The following DNHD1 variants were observed in gnomAD, a reference collection of about 807,000 sequenced individuals.
The protein encoded by DNHD1 is dynein heavy chain domain-containing protein 1.
A neutral mutation model predicts 458.1 loss-of-function variants in DNHD1; 383 were observed. The ratio of observed to expected loss-of-function variants is 0.84; its 90% CI spans 0.77 to 0.91. The LOEUF is 0.91. Among genes scored for constraint, DNHD1 ranks in the 40% least tolerant of loss-of-function variants. DNHD1 has a pLI of 0.00. For missense variants in DNHD1, 5,336 were observed against 5,866.1 expected, an observed-to-expected ratio of 0.91 and a Z score of 2.95; for synonymous variants, 2,203 against 2,376.9, an observed-to-expected ratio of 0.93 and a Z score of 2.13.
At position 6,564,631 on chromosome 11, in the gene DNHD1, A is replaced by T. The variant is rs1853658505; in HGVS notation, c.10583A>T (p.Lys3528Met). The T allele has an allele frequency of 1.3e-6, 2 of 1,551,598 alleles. No homozygotes were observed. The highest frequency in any genetic ancestry group is 2.7e-5 in the African/African-American group (2 of 73,056). ...SEQYQWDGNL[K>M]PQAKSAHLAG... The stretch of plus-strand genomic sequence containing the variant: ...CAGTACCAGTGGGATGGAAACCTGA[A>T]GCCACAGGCAAAGTCGGCCCACCTG... Residue 3528 changes from lysine to methionine, a missense_variant, in exon 32 of 43, where the codon AAG becomes ATG. Around this residue, in one of 4 missense-constraint regions of DNHD1, gnomAD observed 3,932 missense variants for 4,365.6 expected, o/e 0.90. Coordinates refer to ENST00000254579, the MANE Select transcript of DNHD1 (RefSeq NM_144666.3).
intron 28 of DNHD1, among the ~76,000 whole-genome samples, chr11:6,560,029 G>A (rs907913022): frequency 6.6e-6 from 1 of 152,208 alleles, no homozygotes; most frequent in African/African-American, 2.4e-5. Context: ...TAAAATTGGT[G>A]ATGATAGGGC....
chr11:6,508,675 C>G (rs1852273624), intron 4 of DNHD1: 1 of 554,122 alleles, frequency 1.8e-6, no homozygotes, highest in South Asian at 2.4e-5. Flanking sequence ...TTCTTTCTTC[C>G]CATCTACCTT....
In DNHD1 at chr11:6,498,588, G is replaced by C. The variant is rs146344849; in HGVS notation, c.373G>C (p.Asp125His). The C allele has an allele frequency of 4.8e-4, 767 of 1,614,208 alleles. 1 individual carries two copies. Among genetic ancestry groups the C allele is most frequent in the Admixed American group, 1.4e-3 (83 of 60,024 alleles). Residue 125 changes from aspartate to histidine, a missense_variant, in exon 3 of 43, where the codon GAC (aspartate) becomes CAC (histidine). Physicochemically the swap from Asp to His is moderately conservative, Grantham distance 81 (BLOSUM62 -1). Transcript: ENST00000254579. ...APWVQTHLHL[D>H]LLGAIVQAFP... ...CTGGGTCCAAACCCACCTCCATCTGGACCTGCTAGGTGCCATTGTCCAGGC... is the reference window on the plus strand; with the variant it reads ...CTGGGTCCAAACCCACCTCCATCTGCACCTGCTAGGTGCCATTGTCCAGGC...
At position 6,558,974 on chromosome 11, in the gene DNHD1, C is replaced by T. The variant is rs975437665; in HGVS notation, c.9284C>T (p.Ser3095Leu). Reference protein sequence around the residue: ...VAKAMALIHLSATHYHEHLCP... With the variant: ...VAKAMALIHLLATHYHEHLCP... ...AAAGCCATGGCTCTTATCCACCTTT[C>T]GGCCACCCACTACCATGAGCACCTG... is the stretch of plus-strand genomic sequence containing the variant. The change falls in exon 27 of 43, where the codon TCG becomes TTG. Residue 3095 changes from serine to leucine, a missense_variant. By Grantham distance (145) the Ser-to-Leu change is moderately radical (BLOSUM62 -2). This residue lies in a region of DNHD1 where 3,932 missense variants were observed against 4,365.6 expected (regional missense o/e 0.90). Transcript: ENST00000254579. 43 of 1,551,588 alleles carry T rather than the reference C, an allele frequency of 2.8e-5. No individual in the cohort carries two copies. The highest frequency in any genetic ancestry group is 3.3e-4 in the Middle Eastern group (2 of 6,012).
Position 6,546,737 on chromosome 11 carries a change from G to A in DNHD1, c.5798G>A (p.Cys1933Tyr), listed in dbSNP as rs776367614. The A allele has an allele frequency of 1.1e-5, 17 of 1,551,670 alleles. No homozygotes were observed. Among genetic ancestry groups the A allele is most frequent in the Admixed American group, 2.0e-5 (1 of 50,994 alleles). Reference sequence around the variant, plus strand: ...CTGCACAACCTCCGAGGGCTGTTGTGTGCGCTTTTCCCTAGCGCCAGCCAA... The same window carrying A: ...CTGCACAACCTCCGAGGGCTGTTGTATGCGCTTTTCCCTAGCGCCAGCCAA... ...LHLHNLRGLL[C>Y]ALFPSASQVL... is the part of the protein sequence containing the mutation. Residue 1933 changes from cysteine to tyrosine, a missense_variant, in exon 21 of 43, where the codon TGT becomes TAT. Physicochemically the swap from Cys to Tyr is radical, Grantham distance 194 (BLOSUM62 -2). Transcript: ENST00000254579.
At position 6,523,391 on chromosome 11, in the gene DNHD1, G is replaced by A. The variant is rs142391007; in HGVS notation, c.1837+3102G>A. Among the ~76,000 whole-genome samples the A allele has an allele frequency of 8.8e-3, 1,339 of 152,180 alleles. 18 individuals carry two copies. Among genetic ancestry groups the A allele is most frequent in the African/African-American group, 0.03 (1,260 of 41,514 alleles). ...ACTGTGAGTAGATTTATAGATGAGA[G>A]AGAAGGAAAGATTTTTTTTTCCTTG... On this transcript the variant is annotated intron_variant, in intron 10 of 42. Transcript: ENST00000254579.
intron 25 of DNHD1, 64 bp downstream of exon 25, chr11:6,558,361 A>G (rs1238578405): frequency 6.5e-7 from 1 of 1,533,800 alleles, no homozygotes; most frequent in Non-Finnish European, 8.8e-7. Flanking sequence ...CAAAAGGCCA[A>G]AAGGAATTCT....
At chr11:6,514,192 C>T (rs1257957486) in intron 7 of DNHD1, among the ~76,000 whole-genome samples, 2 of 152,150 alleles carry the variant, frequency 1.3e-5, no homozygotes, top group African/African-American at 4.8e-5. Context: ...CAACCTCCAC[C>T]TCCTGTGTTC....
In DNHD1 at chr11:6,563,804, C is replaced by A. The variant is rs1449701762; in HGVS notation, c.9964C>A (p.Pro3322Thr). 1.1e-5 allele frequency: 17 copies of A among 1,551,554 alleles called. No individual in the cohort carries two copies. Among genetic ancestry groups the A allele is most frequent in the Middle Eastern group, 1.7e-4 (1 of 6,014 alleles). The change falls in exon 31 of 43, where the codon CCT becomes ACT. Residue 3322 changes from proline to threonine, a missense_variant. Transcript: ENST00000254579. ...TGCAGCCCTGCGGGCAGTGAGCCGA[C>A]CTGCAGCCAGCCTGGCAGCCTGGCT... is the stretch of plus-strand genomic sequence containing the variant. ...DDAALRAVSR[P>T]AASLAAWLWA...
At position 6,563,791 on chromosome 11, in the gene DNHD1, GGCAGT is replaced by G; in HGVS notation, c.9953_9957del (p.Ala3318GlufsTer59). The G allele has an allele frequency of 6.4e-7, 1 of 1,551,660 alleles. No individual in the cohort carries two copies. The highest frequency in any genetic ancestry group is 8.7e-7 in the Non-Finnish European group (1 of 1,146,996). On this transcript the variant is annotated frameshift_variant, in exon 31 of 43. Transcript: ENST00000254579. LOFTEE classifies it high-confidence loss of function. ...CAGGTATGGACGATGCAGCCCTGCGGGCAGTGAGCCGACCTGCAGCCAGCCTGGCA... is the reference window on the plus strand; with the variant it reads ...CAGGTATGGACGATGCAGCCCTGCGGGAGCCGACCTGCAGCCAGCCTGGCA...
chr11:6,556,063 T>C (rs2134443414), intron 24 of DNHD1, among the ~76,000 whole-genome samples: 1 of 152,284 alleles, frequency 6.6e-6, no homozygotes, highest in South Asian at 2.1e-4. Flanking sequence ...TCACTCAAGC[T>C]CTTGTGCTCA....
chr11:6,561,160 G>A (rs895162474), intron 28 of DNHD1, among the ~76,000 whole-genome samples: 2 of 152,190 alleles, frequency 1.3e-5, no homozygotes, highest in Non-Finnish European at 2.9e-5. Flanking sequence ...GTTAGGCCAG[G>A]CACAGTGGCT....
At chr11:6,549,326 G>A (rs1489485324) in intron 24 of DNHD1, among the ~76,000 whole-genome samples, 1 of 152,152 alleles carries the variant, frequency 6.6e-6, no homozygotes, top group African/African-American at 2.4e-5. Context: ...AAATCTTGTT[G>A]ACATCTCATT....
At chr11:6,509,832 G>A (rs973942457) in intron 6 of DNHD1, among the ~76,000 whole-genome samples, 1 of 152,126 alleles carries the variant, frequency 6.6e-6, no homozygotes, top group East Asian at 1.9e-4. Context: ...TGCCTAAAGG[G>A]CCTAAGCAGG....
chr11:6,528,095 G>A (rs766799063), intron 10 of DNHD1, among the ~76,000 whole-genome samples: 12 of 152,160 alleles, frequency 7.9e-5, no homozygotes, highest in East Asian at 3.9e-4. Flanking sequence ...GAGTCAGGGC[G>A]TATGCCATCC....
In DNHD1 at chr11:6,533,602, T is replaced by G. The variant is rs1195046728; in HGVS notation, c.2506-79T>G. The G allele has an allele frequency of 2.0e-5, 30 of 1,471,576 alleles. No homozygotes were observed. In the South Asian group the frequency reaches 3.8e-4, roughly 19 times the overall value. 91.2% of individuals were successfully genotyped at this position (1,471,576 alleles called of 1,614,324 possible). A position where few individuals can be genotyped will look rare whatever the true frequency, so the allele number is the denominator to read the frequency against. On this transcript the variant is annotated intron_variant, in intron 13 of 42. Coordinates refer to ENST00000254579, the MANE Select transcript of DNHD1 (RefSeq NM_144666.3). ...GGTCTGGAGACTTCACTCCAAAAGGTGGGAGTTCCCCTTGGGGATGGGACC... is the reference window on the plus strand; with the variant it reads ...GGTCTGGAGACTTCACTCCAAAAGGGGGGAGTTCCCCTTGGGGATGGGACC...
chr11:6,545,783 T>C lies in DNHD1; in HGVS notation c.4844T>C (p.Ile1615Thr). Reference sequence around the variant, plus strand: ...TATCACTTGGGTTCACCTCACATAATCCCCAAAAGCCCCCTACAGAGTCTT... The same window carrying C: ...TATCACTTGGGTTCACCTCACATAACCCCCAAAAGCCCCCTACAGAGTCTT... ...LKYHLGSPHI[I>T]PKSPLQSLKT... The change falls in exon 21 of 43, where the codon ATC becomes ACC. Residue 1615 changes from isoleucine (I) to threonine (T), a missense_variant. Coordinates refer to ENST00000254579, the MANE Select transcript of DNHD1 (RefSeq NM_144666.3). This position sits in a 1 kb window ranked among gnomAD's most constrained non-coding sequence, Gnocchi z 4.9. The C allele has an allele frequency of 1.3e-6, 2 of 1,551,758 alleles. No individual in the cohort carries two copies. The highest frequency in any genetic ancestry group is 2.4e-5 in the South Asian group (2 of 84,064).
Position 6,557,743 on chromosome 11 carries a change from C to T in DNHD1, c.8448C>T (p.Pro2816=). The stretch of plus-strand genomic sequence containing the variant: ...TACTACTACATCCCCAGGAAAAGCC[C>T]TCAGACCTGGTCTTCAGTCAGGAGC... ...PVLLLHPQEK[P]SDLVFSQELI... The change falls in exon 25 of 43, where the codon CCC becomes CCT. Residue 2816 remains proline, a synonymous_variant. Coordinates refer to ENST00000254579, the MANE Select transcript of DNHD1 (RefSeq NM_144666.3). The T allele has an allele frequency of 1.3e-6, 2 of 1,551,722 alleles. No individual in the cohort carries two copies. Among genetic ancestry groups the T allele is most frequent in the Non-Finnish European group, 1.7e-6 (2 of 1,146,996 alleles).
chr11:6,507,847 ATACTT>A (rs1404900902), intron 4 of DNHD1, among the ~76,000 whole-genome samples: 3 of 152,250 alleles, frequency 2.0e-5, no homozygotes, highest in Non-Finnish European at 4.4e-5. Flanking sequence ...TATGAGTACT[ATACTT>A]AAGAAACTTT....
Sources: allele counts gnomAD v4.1 joint callset (sites outside exome capture counted in the v4.1 genomes callset), GRCh38; gene constraint gnomAD v4.1.1; regional missense constraint gnomAD v4.1.1; non-coding constraint Gnocchi (gnomAD v3.1); transcripts MANE v1.5; gene names NCBI Gene and HGNC (gene_info 2026-07-23, HGNC 2026-07-21).